VPS13B: variants seen among roughly 807,000 people sequenced by gnomAD.
The protein encoded by VPS13B is intermembrane lipid transfer protein VPS13B.
In VPS13B, 285 loss-of-function variants were observed where a neutral mutation model predicts 426.4. The ratio of observed to expected loss-of-function variants is 0.67; its 90% CI spans 0.61 to 0.74. The LOEUF (loss-of-function observed/expected upper bound fraction) is 0.74. VPS13B is among the 30% of genes least tolerant of loss of function. VPS13B has a pLI of 0.00. For synonymous variants in VPS13B, 1,676 were observed against 1,676.4 expected (o/e 1.00, Z 0.01); for missense variants, 4,537 against 4,782.6 (o/e 0.95, Z 1.51).
chr8:99,613,509 A>G (rs1369142621), intron 33 of VPS13B, among the ~76,000 whole-genome samples: 5 of 152,222 alleles, frequency 3.3e-5, no homozygotes, highest in Admixed American at 1.3e-4. Flanking sequence ...TTCCCTGTGT[A>G]TATGAAACAA....
intron 17 of VPS13B, among the ~76,000 whole-genome samples, chr8:99,271,418 C>T (rs765817116): frequency 6.6e-6 from 1 of 152,012 alleles, no homozygotes; most frequent in Non-Finnish European, 1.5e-5. Context: ...TGCTCTAGAC[C>T]ATAGGTTTAG....
rs1355182957 is a variant in VPS13B, at chr8:99,469,317, T to C, written c.3666+1683T>C. Among the ~76,000 whole-genome samples, 6 of 152,094 alleles carry C rather than the reference T, an allele frequency of 3.9e-5. No homozygotes were observed. In the East Asian group the frequency reaches 5.8e-4, roughly 15 times the overall value. ...CTGAGTAGCTGGGACTATAGACACA[T>C]GCCACCATGACCAGCTAATTTATTT... On this transcript the variant is annotated intron_variant, in intron 24 of 61. Coordinates refer to ENST00000357162, the MANE Select transcript of VPS13B (RefSeq NM_152564.5).
intron 19 of VPS13B, among the ~76,000 whole-genome samples, chr8:99,332,620 A>G (rs1209699038): frequency 6.6e-6 from 1 of 151,670 alleles, no homozygotes; most frequent in South Asian, 2.1e-4. Context: ...TGCTTTACGT[A>G]CAGTCATAGG....
chr8:99,863,020 T>C (rs1325764015), intron 58 of VPS13B, among the ~76,000 whole-genome samples: 2 of 152,196 alleles, frequency 1.3e-5, no homozygotes, highest in African/African-American at 4.8e-5. Flanking sequence ...GAAGGTGGTG[T>C]GGCAGTGGAC....
intron 36 of VPS13B, among the ~76,000 whole-genome samples, chr8:99,711,179 A>G (rs1273997593): frequency 1.3e-5 from 2 of 152,174 alleles, no homozygotes; most frequent in Non-Finnish European, 2.9e-5. Flanking sequence ...GTGTTCCCTC[A>G]TTGAGGAATG....
intron 19 of VPS13B, among the ~76,000 whole-genome samples, chr8:99,327,036 A>G (rs941014794): frequency 2.0e-5 from 3 of 152,328 alleles, no homozygotes; most frequent in Admixed American, 6.5e-5. Context: ...TCCACCTAGT[A>G]CAAAGATTCG....
At chr8:99,150,676 T>C (rs2132607096) in intron 14 of VPS13B, among the ~76,000 whole-genome samples, 1 of 152,350 alleles carries the variant, frequency 6.6e-6, no homozygotes, top group Non-Finnish European at 1.5e-5. Flanking sequence ...CTTAGTGATA[T>C]GGATTTAAGT....
chr8:99,470,365 AAGGCAGCTTTT>A (rs1279857652), intron 24 of VPS13B, among the ~76,000 whole-genome samples: 1 of 152,168 alleles, frequency 6.6e-6, no homozygotes, highest in Non-Finnish European at 1.5e-5. Flanking sequence ...AAATGACTTT[AAGGCAGCTTTT>A]AGAAATTTTT....
At chr8:99,098,926 C>G (rs565947198) in intron 4 of VPS13B, among the ~76,000 whole-genome samples, 6 of 152,074 alleles carry the variant, frequency 3.9e-5, no homozygotes, top group Non-Finnish European at 7.4e-5. Flanking sequence ...TTTTTAGTCG[C>G]TTCTTTTGGA....
intron 14 of VPS13B, among the ~76,000 whole-genome samples, chr8:99,151,109 AT>A (rs77638301): frequency 0.18 from 26,708 of 151,918 alleles, 2,844 homozygotes; most frequent in East Asian, 0.38. Flanking sequence ...TATTGTTTTG[AT>A]TTTTTATTTC....
intron 3 of VPS13B, among the ~76,000 whole-genome samples, chr8:99,076,121 ATCAT>A (rs1184998592): frequency 1.3e-5 from 2 of 152,142 alleles, no homozygotes; most frequent in Admixed American, 6.5e-5. Flanking sequence ...GGAGTCATTG[ATCAT>A]TCAGGAGCAT....
chr8:99,230,760 A>T (rs1360633634), intron 17 of VPS13B, among the ~76,000 whole-genome samples: 1 of 152,262 alleles, frequency 6.6e-6, no homozygotes, highest in East Asian at 1.9e-4. Flanking sequence ...ATAAATGGAA[A>T]TTGTTACAGT....
At chr8:99,399,943 A>G (rs975093273) in intron 21 of VPS13B, among the ~76,000 whole-genome samples, 6 of 152,152 alleles carry the variant, frequency 3.9e-5, no homozygotes, top group Admixed American at 3.9e-4. Context: ...GAGAGTAGCA[A>G]TTATTCCATA....
chr8:99,148,695 C>A (rs1249071183), intron 14 of VPS13B, among the ~76,000 whole-genome samples: 1 of 152,014 alleles, frequency 6.6e-6, no homozygotes, highest in Non-Finnish European at 1.5e-5. Flanking sequence ...TGTCAGCCTG[C>A]CTAGATTCAG....
intron 3 of VPS13B, among the ~76,000 whole-genome samples, chr8:99,068,345 A>G (rs1236991066): frequency 6.6e-6 from 1 of 152,260 alleles, no homozygotes; most frequent in East Asian, 1.9e-4. Context: ...CTAGGTTACA[A>G]AGCATTTATA....
At chr8:99,684,316 T>C (rs1831283000) in intron 35 of VPS13B, among the ~76,000 whole-genome samples, 1 of 152,212 alleles carries the variant, frequency 6.6e-6, no homozygotes, top group African/African-American at 2.4e-5. Context: ...TCTCATAAAA[T>C]GAATTAAGAA....
rs370555298 is a variant in VPS13B at position 99,741,416 on chromosome 8, C to G, written c.7050+20369C>G. ...CACTGTCAACATTAGACAGATCAACCAGACAGAAAGTTAACAAGGATATCC... is the reference window on the plus strand; with the variant it reads ...CACTGTCAACATTAGACAGATCAACGAGACAGAAAGTTAACAAGGATATCC... On this transcript the variant is annotated intron_variant, in intron 39 of 61. Coordinates refer to ENST00000357162, the MANE Select transcript of VPS13B (RefSeq NM_152564.5). 7.1e-4 allele frequency among the ~76,000 whole-genome samples: 108 copies of G among 152,014 alleles called. 1 individual carries two copies. In the East Asian group the frequency reaches 0.018, roughly 25 times the overall value.
intron 4 of VPS13B, among the ~76,000 whole-genome samples, chr8:99,100,535 C>T (rs1014653285): frequency 5.3e-5 from 8 of 152,086 alleles, no homozygotes; most frequent in Non-Finnish European, 1.2e-4. Context: ...AATGATCTGT[C>T]TGCTTCGGCC....
At chr8:99,624,942 C>T (rs889025459) in intron 33 of VPS13B, among the ~76,000 whole-genome samples, 5 of 151,946 alleles carry the variant, frequency 3.3e-5, no homozygotes, top group African/African-American at 9.7e-5. Flanking sequence ...CTCAGCCTCC[C>T]GAGTAGCTGG....
Sources: allele counts gnomAD v4.1 joint callset (sites outside exome capture counted in the v4.1 genomes callset), GRCh38; gene constraint gnomAD v4.1.1; transcripts MANE v1.5; gene names NCBI Gene and HGNC (gene_info 2026-07-23, HGNC 2026-07-21).